Variants in CDC42SE2 observed in about 807,000 individuals in gnomAD.
The protein encoded by CDC42SE2 is CDC42 small effector protein 2.
A neutral mutation model predicts 11.5 loss-of-function variants in CDC42SE2; 3 were observed. The observed-to-expected ratio is 0.26, with a 90% CI of 0.12 to 0.67. The LOEUF (loss-of-function observed/expected upper bound fraction) is 0.67. Ranked by LOEUF, CDC42SE2 falls within the 30% of genes least tolerant of loss-of-function variation. The pLI is 0.80. For missense variants in CDC42SE2, 82 were observed against 106.8 expected (o/e 0.77, Z 1.02); for synonymous variants, 33 against 34.8 (o/e 0.95, Z 0.18).
intron 2 of CDC42SE2, among the ~76,000 whole-genome samples, chr5:131,334,320 G>C (rs1758499656): frequency 1.3e-5 from 2 of 152,184 alleles, no homozygotes; most frequent in South Asian, 2.1e-4. Flanking sequence ...AAGCCCACTT[G>C]ATCATGGTTG....
chr5:131,237,916 T>C, the CDC42SE2 span, among the ~76,000 whole-genome samples: 5 of 152,206 alleles, frequency 3.3e-5, no homozygotes, highest in African/African-American at 1.2e-4. Context: ...TTTATTCTTT[T>C]CTATTCTCAG....
At chr5:131,289,158 A>G (rs1431410472) in intron 1 of CDC42SE2, among the ~76,000 whole-genome samples, 1 of 152,208 alleles carries the variant, frequency 6.6e-6, no homozygotes, top group Non-Finnish European at 1.5e-5. Context: ...TGTATTGACT[A>G]AGATCTTGAC....
At chr5:131,294,923 C>G (rs1757534810) in intron 1 of CDC42SE2, among the ~76,000 whole-genome samples, 1 of 152,090 alleles carries the variant, frequency 6.6e-6, no homozygotes, top group South Asian at 2.1e-4. Flanking sequence ...GTCAGGAGAT[C>G]AAGACCATCC....
chr5:131,288,911 C>T (rs770159894), intron 1 of CDC42SE2, among the ~76,000 whole-genome samples: 17 of 152,192 alleles, frequency 1.1e-4, no homozygotes, highest in Non-Finnish European at 1.9e-4. Flanking sequence ...TTCCTTCTAC[C>T]CCCACCACTT....
intron 1 of CDC42SE2, among the ~76,000 whole-genome samples, chr5:131,306,187 C>G (rs1757773712): frequency 6.6e-6 from 1 of 152,134 alleles, no homozygotes; most frequent in Non-Finnish European, 1.5e-5. Context: ...GGGAAATCAT[C>G]CTTTGTCCAG....
At chr5:131,220,057 T>C in the CDC42SE2 span, among the ~76,000 whole-genome samples, 1 of 152,194 alleles carries the variant, frequency 6.6e-6, no homozygotes, top group South Asian at 2.1e-4. Context: ...TTCATGCCAA[T>C]ATGTTTGATC....
At chr5:131,333,080 C>T (rs1758460985) in intron 2 of CDC42SE2, among the ~76,000 whole-genome samples, 1 of 152,142 alleles carries the variant, frequency 6.6e-6, no homozygotes, top group African/African-American at 2.4e-5. Context: ...AGGTTTTCTT[C>T]TAGGGTTTTT....
chr5:131,318,760 C>A (rs562410479), intron 2 of CDC42SE2, among the ~76,000 whole-genome samples: 42 of 152,280 alleles, frequency 2.8e-4, no homozygotes, highest in African/African-American at 1.0e-3. Context: ...TTTGTGAAAA[C>A]TTTCTAGCTG....
chr5:131,374,987 T>C (rs1319222581), intron 3 of CDC42SE2, among the ~76,000 whole-genome samples: 2 of 151,558 alleles, frequency 1.3e-5, no homozygotes, highest in African/African-American at 2.4e-5. Flanking sequence ...ATATTAACAA[T>C]ATCATTAATA....
intron 2 of CDC42SE2, among the ~76,000 whole-genome samples, chr5:131,328,194 A>G (rs1758338304): frequency 6.6e-6 from 1 of 151,982 alleles, no homozygotes; most frequent in Non-Finnish European, 1.5e-5. Context: ...ATTCTGAAAA[A>G]ACCCCTGCTG....
intron 1 of CDC42SE2, among the ~76,000 whole-genome samples, chr5:131,284,091 A>G (rs753881295): frequency 6.6e-6 from 1 of 152,196 alleles, no homozygotes; most frequent in Non-Finnish European, 1.5e-5. Context: ...TCAGCCGTGT[A>G]GGAAATATGT....
Position 131,361,064 on chromosome 5 carries a change from T to A in CDC42SE2, c.54+1517T>A, listed in dbSNP as rs771549803. Among the ~76,000 whole-genome samples the A allele has an allele frequency of 6.7e-5, 10 of 148,856 alleles. 1 individual carries two copies. Among genetic ancestry groups the A allele is most frequent in the African/African-American group, 1.3e-4 (5 of 39,444 alleles). On this transcript the variant is annotated intron_variant, in intron 3 of 4. Coordinates refer to ENST00000505065, the MANE Select transcript of CDC42SE2 (RefSeq NM_001375635.1). ...TAATACATATGTAAATCTTAGAGTTTGTTTGTTTGTTTTTTTTTTTGGATT... is the reference window on the plus strand; with the variant it reads ...TAATACATATGTAAATCTTAGAGTTAGTTTGTTTGTTTTTTTTTTTGGATT...
At chr5:131,283,339 C>T (rs1345867534) in intron 1 of CDC42SE2, among the ~76,000 whole-genome samples, 3 of 152,208 alleles carry the variant, frequency 2.0e-5, no homozygotes, top group African/African-American at 4.8e-5. Context: ...TCCCCACATC[C>T]TCTGATAGCC....
At chr5:131,333,444 A>T (rs868676699) in intron 2 of CDC42SE2, among the ~76,000 whole-genome samples, 6 of 152,298 alleles carry the variant, frequency 3.9e-5, no homozygotes, top group Non-Finnish European at 5.9e-5. Flanking sequence ...TGACTTGGCG[A>T]TGCAGGCTCT....
At chr5:131,358,866 G>A (rs1400347590) in intron 2 of CDC42SE2, among the ~76,000 whole-genome samples, 1 of 152,148 alleles carries the variant, frequency 6.6e-6, no homozygotes, top group Non-Finnish European at 1.5e-5. Flanking sequence ...TATGAAAATG[G>A]TGATCATTAT....
At chr5:131,238,500 TA>T in the CDC42SE2 span, among the ~76,000 whole-genome samples, 158 of 103,506 alleles carry the variant, frequency 1.5e-3, no homozygotes, top group South Asian at 1.9e-3. Flanking sequence ...CAGACTCGTC[TA>T]AAAAAAAAAA....
At chr5:131,232,691 G>A in the CDC42SE2 span, among the ~76,000 whole-genome samples, 2 of 133,380 alleles carry the variant, frequency 1.5e-5, no homozygotes, top group South Asian at 4.7e-4. Context: ...CCGAGATCAT[G>A]CCACTGCACT....
intron 2 of CDC42SE2, among the ~76,000 whole-genome samples, chr5:131,349,238 G>A (rs751949697): frequency 1.7e-4 from 25 of 150,074 alleles, no homozygotes; most frequent in Admixed American, 1.3e-4. Context: ...ACAAACTATC[G>A]CAAGGACAGA....
At chr5:131,371,888 G>T (rs758472591) in intron 3 of CDC42SE2, among the ~76,000 whole-genome samples, 8 of 152,288 alleles carry the variant, frequency 5.3e-5, no homozygotes, top group Non-Finnish European at 1.0e-4. Context: ...GCTACCAAGT[G>T]TTAATTATTA....
Sources: gnomAD v4.1 joint callset for allele counts (sites outside exome capture counted in the v4.1 genomes callset) on GRCh38, gnomAD v4.1.1 for gene constraint, MANE v1.5 for transcripts, NCBI Gene and HGNC (gene_info 2026-07-23, HGNC 2026-07-21) for gene names.